The following YPEL2 variants were observed in gnomAD, a reference collection of about 807,000 sequenced individuals.
YPEL2 encodes protein yippee-like 2.
Under a neutral mutation model 19.1 loss-of-function variants are expected in YPEL2, and 2 were observed. The observed-to-expected ratio is 0.10, with a 90% CI of 0.04 to 0.33. YPEL2 has a LOEUF of 0.33. Among genes scored for constraint, YPEL2 ranks in the 10% least tolerant of loss-of-function variants. The pLI is 1.00. For missense variants in YPEL2, 66 were observed against 140.7 expected (o/e 0.47, Z 2.68); for synonymous variants, 52 against 50.0 (o/e 1.04, Z -0.17).
Position 59,353,565 on chromosome 17 carries a change from G to T in YPEL2, c.117+39G>T. The T allele has an allele frequency of 2.7e-6, 4 of 1,505,434 alleles. No individual in the cohort carries two copies. Among genetic ancestry groups the T allele is most frequent in the Non-Finnish European group, 3.7e-6 (4 of 1,081,478 alleles). 93.3% of individuals were successfully genotyped at this position (1,505,434 alleles called of 1,614,324 possible). ...GCAGGCCTTCCTTGCCTACCCCGGG[G>T]AGGGCGCTTAGTGCTCCTGAAGTTG... is the stretch of plus-strand genomic sequence containing the variant. On this transcript the variant is annotated intron_variant, in intron 2 of 4. Coordinates refer to ENST00000312655, the MANE Select transcript of YPEL2 (RefSeq NM_001005404.4). The surrounding 1 kb of genome is among the most constrained non-coding windows in gnomAD (Gnocchi z 4.8).
chr17:59,377,564 C>G (rs2047928539), intron 2 of YPEL2, among the ~76,000 whole-genome samples: 1 of 152,222 alleles, frequency 6.6e-6, no homozygotes, highest in South Asian at 2.1e-4. Context: ...ATGCCTCACT[C>G]CCTCTCTGCA....
intron 3 of YPEL2, chr17:59,389,089 A>G (rs1249920021): frequency 2.1e-6 from 1 of 475,156 alleles, no homozygotes; most frequent in Non-Finnish European, 3.8e-6. Context: ...GATTTAAAGT[A>G]TTTGTTAGAA....
intron 1 of YPEL2, among the ~76,000 whole-genome samples, chr17:59,340,896 G>T (rs183213245): frequency 2.4e-4 from 36 of 150,636 alleles, no homozygotes; most frequent in Non-Finnish European, 4.9e-4. Flanking sequence ...TGTATTTTTA[G>T]TAGAGACGGG....
At chr17:59,366,995 C>CGA (rs1295665285) in intron 2 of YPEL2, among the ~76,000 whole-genome samples, 5 of 152,122 alleles carry the variant, frequency 3.3e-5, no homozygotes, top group Admixed American at 3.3e-4. Flanking sequence ...GGTAAATACA[C>CGA]GAGAAAGGAA....
At chr17:59,349,456 T>C (rs1455103085) in intron 1 of YPEL2, among the ~76,000 whole-genome samples, 1 of 145,542 alleles carries the variant, frequency 6.9e-6, no homozygotes, top group African/African-American at 2.5e-5. Flanking sequence ...TGCCTCAGCC[T>C]CTCGAGTAGC....
chr17:59,397,328 G>A lies in YPEL2; in HGVS notation c.*138G>A, dbSNP rs904481265. 12 of 523,722 alleles carry A rather than the reference G, an allele frequency of 2.3e-5. No individual in the cohort carries two copies. The highest frequency in any genetic ancestry group is 9.9e-5 in the African/African-American group (5 of 50,336). 32.4% of individuals were successfully genotyped at this position (523,722 alleles called of 1,614,324 possible). ...ATCCGGGGCATCCTCCCACCCTGAC[G>A]CCATCTTTCTGGTGACCGGCCTCTA... On this transcript the variant is annotated 3_prime_UTR_variant, in exon 5 of 5. Coordinates refer to ENST00000312655, the MANE Select transcript of YPEL2 (RefSeq NM_001005404.4).
chr17:59,394,148 C>T (rs1296397443), intron 4 of YPEL2, among the ~76,000 whole-genome samples: 1 of 150,920 alleles, frequency 6.6e-6, no homozygotes, highest in African/African-American at 2.4e-5. Flanking sequence ...GGGGGCTGAC[C>T]CCCCGACCTC....
intron 2 of YPEL2, chr17:59,355,890 T>C (rs2047810443): frequency 6.6e-6 from 1 of 152,220 alleles, no homozygotes; most frequent in South Asian, 2.1e-4. Flanking sequence ...GCATTAGAGC[T>C]TGATGATTTA....
chr17:59,335,151 A>AT (rs929508336), intron 1 of YPEL2, among the ~76,000 whole-genome samples: 2 of 152,330 alleles, frequency 1.3e-5, no homozygotes, highest in East Asian at 3.9e-4. Context: ...GGCTAAAGAT[A>AT]TTTTTTAGAG....
chr17:59,353,696 A>G lies in YPEL2; in HGVS notation c.117+170A>G, dbSNP rs987726765. ...CTGAGAAAAACTCTGAGTTGGAGGG[A>G]CAGAGTAGTCATTTAATTTGTTATT... On this transcript the variant is annotated intron_variant, in intron 2 of 4. Transcript: ENST00000312655. The surrounding 1 kb of genome is among the most constrained non-coding windows in gnomAD (Gnocchi z 4.8). The G allele has an allele frequency of 1.5e-6, 1 of 671,158 alleles. No homozygotes were observed. The highest frequency in any genetic ancestry group is 1.5e-5 in the South Asian group (1 of 66,804). The allele number at this position is 671,158 out of a possible 1,614,324, so 41.6% of individuals were successfully genotyped here.
intron 1 of YPEL2, among the ~76,000 whole-genome samples, chr17:59,332,161 C>T (rs2047674051): frequency 6.6e-6 from 1 of 152,060 alleles, no homozygotes; most frequent in African/African-American, 2.4e-5. Context: ...GGGTGCGGAG[C>T]TGGAATCGCC....
intron 2 of YPEL2, among the ~76,000 whole-genome samples, chr17:59,377,808 G>A (rs1397919870): frequency 1.3e-5 from 2 of 152,210 alleles, no homozygotes; most frequent in African/African-American, 2.4e-5. Flanking sequence ...GGGTGCTCAG[G>A]CTGAACAGCC....
chr17:59,391,874 T>C (rs1382768903), intron 4 of YPEL2, among the ~76,000 whole-genome samples: 2 of 151,308 alleles, frequency 1.3e-5, no homozygotes, highest in East Asian at 2.0e-4. Flanking sequence ...CACTCCAGCC[T>C]GGGCGACAGA....
At position 59,356,657 on chromosome 17, in the gene YPEL2, G is replaced by C. The variant is rs892674803; in HGVS notation, c.117+3131G>C. 2.0e-5 allele frequency among the ~76,000 whole-genome samples: 3 copies of C among 152,186 alleles called. No individual in the cohort carries two copies. In the East Asian group the frequency reaches 5.8e-4, roughly 29 times the overall value. ...AATGCTGTCTTAGTCCATTAGGGCT[G>C]CTAAAACAAAATGCCATAGACTAGT... On this transcript the variant is annotated intron_variant, in intron 2 of 4. Transcript: ENST00000312655.
At chr17:59,378,599 A>G (rs1235135429) in intron 2 of YPEL2, among the ~76,000 whole-genome samples, 1 of 152,116 alleles carries the variant, frequency 6.6e-6, no homozygotes, top group African/African-American at 2.4e-5. Context: ...AGCCTCCCAC[A>G]GTGCTGGGAC....
At chr17:59,395,143 C>T (rs1006012283) in intron 4 of YPEL2, among the ~76,000 whole-genome samples, 4 of 152,214 alleles carry the variant, frequency 2.6e-5, no homozygotes, top group African/African-American at 9.6e-5. Flanking sequence ...CTCCTTCCCC[C>T]CCAAACACAT....
chr17:59,396,090 A>G (rs2048037933), intron 4 of YPEL2, among the ~76,000 whole-genome samples: 1 of 152,158 alleles, frequency 6.6e-6, no homozygotes, highest in Non-Finnish European at 1.5e-5. Context: ...CAAAATAATA[A>G]TAAATAAAAT....
In YPEL2 at chr17:59,401,444, G is replaced by T. The variant is rs898519639; in HGVS notation, c.*4254G>T. 2 of 152,570 alleles carry T rather than the reference G, an allele frequency of 1.3e-5. No homozygotes were observed. The highest frequency in any genetic ancestry group is 2.9e-5 in the Non-Finnish European group (2 of 68,020). 9.5% of individuals were successfully genotyped at this position (152,570 alleles called of 1,614,324 possible). ...TAACATTTCGGTGACAGTGGGAGTC[G>T]GTTCCCTTTCCCAACCTGCAGAGAC... On this transcript the variant is annotated 3_prime_UTR_variant, in exon 5 of 5. Coordinates refer to ENST00000312655, the MANE Select transcript of YPEL2 (RefSeq NM_001005404.4).
intron 2 of YPEL2, among the ~76,000 whole-genome samples, chr17:59,377,903 T>TG (rs1198342985): frequency 6.6e-6 from 1 of 152,242 alleles, no homozygotes; most frequent in African/African-American, 2.4e-5. Context: ...GTTTATTAAA[T>TG]GCTTTTTATG....
Sources: gnomAD v4.1 joint callset for allele counts (sites outside exome capture counted in the v4.1 genomes callset) on GRCh38, gnomAD v4.1.1 for gene constraint, Gnocchi (gnomAD v3.1) non-coding constraint, MANE v1.5 for transcripts, NCBI Gene and HGNC (gene_info 2026-07-23, HGNC 2026-07-21) for gene names.